Variants in KCNH5 observed in about 807,000 individuals in gnomAD.
The protein encoded by KCNH5 is potassium voltage-gated channel subfamily H member 5, also known as voltage-gated delayed rectifier potassium channel KCNH5.
Under a neutral mutation model 96.1 loss-of-function variants are expected in KCNH5, and 46 were observed. The observed-to-expected ratio is 0.48, with a 90% CI of 0.38 to 0.61. The LOEUF (loss-of-function observed/expected upper bound fraction) is 0.61, where lower values mean the gene tolerates loss of function less well. Among genes scored for constraint, KCNH5 ranks in the 20% least tolerant of loss-of-function variants. KCNH5 has a pLI of 0.00. For synonymous variants in KCNH5, 439 were observed against 449.8 expected (o/e 0.98, Z 0.30); for missense variants, 907 against 1,225.8 (o/e 0.74, Z 3.88).
chr14:62,820,614 G>A (rs1887095468), intron 8 of KCNH5, among the ~76,000 whole-genome samples: 2 of 152,006 alleles, frequency 1.3e-5, no homozygotes, highest in African/African-American at 4.8e-5. Context: ...TTCTGCCTTA[G>A]TTTGCTCAGG....
intron 8 of KCNH5, among the ~76,000 whole-genome samples, chr14:62,841,816 A>G (rs1595650089): frequency 6.6e-6 from 1 of 152,244 alleles, no homozygotes; most frequent in South Asian, 2.1e-4. Flanking sequence ...TGGTAACTCC[A>G]ATACAGATGT....
chr14:62,711,313 G>C (rs950061498), intron 10 of KCNH5, among the ~76,000 whole-genome samples: 1 of 143,830 alleles, frequency 7.0e-6, no homozygotes, highest in Non-Finnish European at 1.5e-5. Context: ...AAAATACATA[G>C]AGCAAAGGGG....
rs545866138 is a variant in KCNH5 at position 62,824,044 on chromosome 14, A to G, written c.1570-21463T>C. On this transcript the variant is annotated intron_variant, in intron 8 of 10. Transcript: ENST00000322893. ...TAAAAAAAATCTGAAAACATCAAACATACAGAAAAACATCCAGGATTTAAC... is the reference window on the plus strand; with the variant it reads ...TAAAAAAAATCTGAAAACATCAAACGTACAGAAAAACATCCAGGATTTAAC... 2.6e-5 allele frequency among the ~76,000 whole-genome samples: 4 copies of G among 152,206 alleles called. No individual in the cohort carries two copies. The South Asian group carries it at 8.3e-4, about 31-fold the overall frequency.
intron 8 of KCNH5, among the ~76,000 whole-genome samples, chr14:62,820,213 G>C (rs1887087164): frequency 6.6e-6 from 1 of 152,068 alleles, no homozygotes; most frequent in Non-Finnish European, 1.5e-5. Context: ...GTTTACATAG[G>C]CCAAAGCAAA....
chr14:62,880,307 C>G (rs1487756388), intron 7 of KCNH5, among the ~76,000 whole-genome samples: 1 of 152,184 alleles, frequency 6.6e-6, no homozygotes, highest in Admixed American at 6.5e-5. Context: ...AACACATACA[C>G]GTGCACACTC....
At chr14:62,992,207 A>G (rs978692067) in intron 4 of KCNH5, among the ~76,000 whole-genome samples, 8 of 152,134 alleles carry the variant, frequency 5.3e-5, no homozygotes, top group Admixed American at 1.3e-4. Context: ...TATATGCCAC[A>G]TGTTCTTTAT....
At chr14:62,861,749 G>A (rs1471958437) in intron 7 of KCNH5, among the ~76,000 whole-genome samples, 2 of 151,062 alleles carry the variant, frequency 1.3e-5, no homozygotes, top group Non-Finnish European at 2.9e-5. Flanking sequence ...TAAATTCTTT[G>A]ATTGCATCTT....
intron 10 of KCNH5, among the ~76,000 whole-genome samples, chr14:62,742,065 G>C (rs1047264775): frequency 2.0e-5 from 3 of 152,084 alleles, no homozygotes; most frequent in African/African-American, 7.2e-5. Context: ...TTCCTCAAAG[G>C]CCTGGAAGGA....
At chr14:62,819,059 C>A (rs188470714) in intron 8 of KCNH5, among the ~76,000 whole-genome samples, 1 of 152,136 alleles carries the variant, frequency 6.6e-6, no homozygotes, top group Non-Finnish European at 1.5e-5. Context: ...CTCCGCCTTC[C>A]GGGTTCACGC....
chr14:62,783,027 A>T (rs1227906813), intron 9 of KCNH5, among the ~76,000 whole-genome samples: 2 of 152,222 alleles, frequency 1.3e-5, no homozygotes, highest in Non-Finnish European at 2.9e-5. Context: ...AATTGCCAAA[A>T]ATTAGAAATA....
At chr14:62,712,082 AAG>A (rs912758364) in intron 10 of KCNH5, among the ~76,000 whole-genome samples, 6 of 152,116 alleles carry the variant, frequency 3.9e-5, no homozygotes, top group African/African-American at 1.4e-4. Context: ...GAAGGTTAGA[AAG>A]AGGGGGTCAT....
chr14:62,799,726 T>TACATAC (rs1555357234), intron 9 of KCNH5, among the ~76,000 whole-genome samples: 1 of 68,664 alleles, frequency 1.5e-5, no homozygotes, highest in East Asian at 4.2e-4. Context: ...TATATATATA[T>TACATAC]ACACACACAC....
At chr14:63,023,059 C>T (rs766266527) in intron 1 of KCNH5, among the ~76,000 whole-genome samples, 2 of 151,802 alleles carry the variant, frequency 1.3e-5, no homozygotes, top group Non-Finnish European at 2.9e-5. Context: ...TAAAATTAGC[C>T]GGGCATAATG....
intron 10 of KCNH5, among the ~76,000 whole-genome samples, chr14:62,757,949 C>T (rs1320964836): frequency 6.6e-6 from 1 of 152,036 alleles, no homozygotes; most frequent in African/African-American, 2.4e-5. Context: ...AGTTCGAGAC[C>T]AGCCTGGCCA....
chr14:62,810,170 C>T (rs1480138198), intron 8 of KCNH5, among the ~76,000 whole-genome samples: 1 of 152,102 alleles, frequency 6.6e-6, no homozygotes, highest in East Asian at 1.9e-4. Flanking sequence ...TTCCAGATAT[C>T]ACCTCTTGTC....
intron 7 of KCNH5, among the ~76,000 whole-genome samples, chr14:62,946,757 T>C (rs951616046): frequency 6.6e-6 from 1 of 152,142 alleles, no homozygotes; most frequent in Non-Finnish European, 1.5e-5. Flanking sequence ...AACAAATTAA[T>C]TACTGATACA....
intron 10 of KCNH5, among the ~76,000 whole-genome samples, chr14:62,722,938 ACTG>A (rs1884846585): frequency 6.6e-6 from 1 of 152,104 alleles, no homozygotes; most frequent in Non-Finnish European, 1.5e-5. Context: ...TTATATCGAC[ACTG>A]CTAATGCTAT....
chr14:62,833,945 C>T (rs1026972521), intron 8 of KCNH5, among the ~76,000 whole-genome samples: 2 of 152,042 alleles, frequency 1.3e-5, no homozygotes, highest in Non-Finnish European at 2.9e-5. Context: ...TTACTCCTTA[C>T]CTCACTCCAG....
At chr14:63,007,238 CA>C (rs911761009) in intron 2 of KCNH5, among the ~76,000 whole-genome samples, 1 of 151,664 alleles carries the variant, frequency 6.6e-6, no homozygotes, top group African/African-American at 2.4e-5. Flanking sequence ...AAAAACAAAC[CA>C]AAAAAACCCT....
Sources: allele counts gnomAD v4.1 joint callset (sites outside exome capture counted in the v4.1 genomes callset), GRCh38; gene constraint gnomAD v4.1.1; transcripts MANE v1.5; gene names NCBI Gene and HGNC (gene_info 2026-07-23, HGNC 2026-07-21).